The following CACNA1G variants were observed in gnomAD, a reference collection of about 807,000 sequenced individuals.
The protein encoded by CACNA1G is voltage-dependent T-type calcium channel subunit alpha-1G.
A neutral mutation model predicts 219.4 loss-of-function variants in CACNA1G; 67 were observed. The ratio of observed to expected loss-of-function variants is 0.31; its 90% CI spans 0.25 to 0.37. The LOEUF is 0.37. CACNA1G is among the 10% of genes least tolerant of loss of function. The probability of loss-of-function intolerance (pLI) is 1.00; values close to 1 mark genes in which losing one functional copy is unlikely to be tolerated. For synonymous variants in CACNA1G, 1,296 were observed against 1,345.3 expected, an observed-to-expected ratio of 0.96 and a Z score of 0.80; for missense variants, 2,380 against 3,231.4, an observed-to-expected ratio of 0.74 and a Z score of 6.39.
intron 13 of CACNA1G, among the ~76,000 whole-genome samples, chr17:50,594,117 C>A (rs1298462191): frequency 6.6e-6 from 1 of 152,214 alleles, no homozygotes; most frequent in Non-Finnish European, 1.5e-5. Flanking sequence ...AGGGTAGCCC[C>A]CCTGCTGGCC....
rs1345331353 is a variant in CACNA1G, at chr17:50,575,890, C to T, written c.1488C>T (p.His496=). The change falls in exon 8 of 38, where the codon CAC becomes CAT. Residue 496 remains histidine (H), a synonymous_variant. Coordinates refer to ENST00000359106, the MANE Select transcript of CACNA1G (RefSeq NM_018896.5). The part of the protein sequence containing the change: ...HRRLSVHHLV[H]HHHHHHHHYH... ...GCCTATCCGTCCACCACCTGGTGCACCACCACCACCACCATCACCACCACT... is the reference window on the plus strand; with the variant it reads ...GCCTATCCGTCCACCACCTGGTGCATCACCACCACCACCATCACCACCACT... The T allele has an allele frequency of 1.3e-6, 2 of 1,548,352 alleles. No individual in the cohort carries two copies. Among genetic ancestry groups the T allele is most frequent in the Admixed American group, 3.9e-5 (2 of 51,668 alleles).
At chr17:50,579,922 C>T (rs1208506788) in intron 9 of CACNA1G, among the ~76,000 whole-genome samples, 1 of 152,116 alleles carries the variant, frequency 6.6e-6, no homozygotes, top group Non-Finnish European at 1.5e-5. Context: ...GTGAGGTGTT[C>T]ACTTTTCCGG....
chr17:50,589,625 G>T (rs548562312), intron 9 of CACNA1G, among the ~76,000 whole-genome samples: 2 of 152,108 alleles, frequency 1.3e-5, no homozygotes, highest in African/African-American at 4.8e-5. Flanking sequence ...GTCCTTCTGA[G>T]GACTCTAGGG....
intron 27 of CACNA1G, 58 bp downstream of exon 27, chr17:50,615,570 G>A: frequency 6.3e-7 from 1 of 1,579,584 alleles, no homozygotes. Flanking sequence ...GAACCTCTGG[G>A]CAAGGTTAAC....
intron 25 of CACNA1G, among the ~76,000 whole-genome samples, chr17:50,608,440 C>T (rs1341135412): frequency 6.6e-6 from 1 of 151,930 alleles, no homozygotes; most frequent in Non-Finnish European, 1.5e-5. Context: ...CGAGCAAAGC[C>T]TCAGCAGATC....
In CACNA1G at chr17:50,624,034, C is replaced by G. The variant is rs758365116; in HGVS notation, c.6188C>G (p.Pro2063Arg). The change falls in exon 36 of 38, where the codon CCC becomes CGC. Residue 2063 changes from proline (P) to arginine (R), a missense_variant. Pro to Arg is a moderately radical substitution (Grantham distance 103). Coordinates refer to ENST00000359106, the MANE Select transcript of CACNA1G (RefSeq NM_018896.5). ...CGGCATGGGAGCACTGCCGAGGGGCCCCTGGGACACAGGGGCTGGGGGCTC... is the reference window on the plus strand; with the variant it reads ...CGGCATGGGAGCACTGCCGAGGGGCGCCTGGGACACAGGGGCTGGGGGCTC... Reference protein sequence around the residue: ...MCRHGSTAEGPLGHRGWGLPK... With the variant: ...MCRHGSTAEGRLGHRGWGLPK... 7 of 1,612,874 alleles carry G rather than the reference C, an allele frequency of 4.3e-6. No individual in the cohort carries two copies. The highest frequency in any genetic ancestry group is 5.9e-6 in the Non-Finnish European group (7 of 1,179,770).
chr17:50,565,770 G>GC (rs1172717136), intron 1 of CACNA1G, among the ~76,000 whole-genome samples: 4 of 152,104 alleles, frequency 2.6e-5, no homozygotes, highest in African/African-American at 9.7e-5. Flanking sequence ...TCTAGATAAA[G>GC]CCCCACACAG....
At position 50,626,115 on chromosome 17, in the gene CACNA1G, C is replaced by T. The variant is rs1478839123; in HGVS notation, c.6498C>T (p.Ala2166=). ...GGCCCTCCCCGCCCCTGGCCCGGGCCTACTCTTTCTGGGGCCAGTCAAGTA... is the reference window on the plus strand; with the variant it reads ...GGCCCTCCCCGCCCCTGGCCCGGGCTTACTCTTTCTGGGGCCAGTCAAGTA... The part of the protein sequence containing the change: ...VSGPSPPLAR[A]YSFWGQSSTQ... The change falls in exon 38 of 38, where the codon GCC becomes GCT. Residue 2166 remains alanine, a synonymous_variant. Coordinates refer to ENST00000359106, the MANE Select transcript of CACNA1G (RefSeq NM_018896.5). The surrounding 1 kb of genome is among the most constrained non-coding windows in gnomAD (Gnocchi z 4.3). 6.2e-7 allele frequency: 1 copy of T among 1,613,722 alleles called. No individual in the cohort carries two copies. Among genetic ancestry groups the T allele is most frequent in the Admixed American group, 1.7e-5 (1 of 60,006 alleles).
chr17:50,607,130 C>T, intron 24 of CACNA1G, 141 bp downstream of exon 24: 1 of 721,944 alleles, frequency 1.4e-6, no homozygotes, highest in Non-Finnish European at 2.5e-6. Context: ...TTGCTGGTAG[C>T]CTGTGGGCCA....
At chr17:50,611,889 C>T (rs746613953) in intron 26 of CACNA1G, among the ~76,000 whole-genome samples, 4 of 152,192 alleles carry the variant, frequency 2.6e-5, no homozygotes, top group Non-Finnish European at 4.4e-5. Flanking sequence ...ACTCCCATTC[C>T]GGGTACCTTC....
intron 8 of CACNA1G, among the ~76,000 whole-genome samples, chr17:50,577,890 T>C (rs1460646996): frequency 6.6e-6 from 1 of 152,062 alleles, no homozygotes; most frequent in Non-Finnish European, 1.5e-5. Flanking sequence ...CGAGGCTCCT[T>C]GCTGAAGGCA....
In CACNA1G at chr17:50,606,918, G is replaced by A. The variant is rs772369809; in HGVS notation, c.4441G>A (p.Val1481Ile). 14 of 1,613,664 alleles carry A rather than the reference G, an allele frequency of 8.7e-6. No individual in the cohort carries two copies. The highest frequency in any genetic ancestry group is 1.1e-5 in the Non-Finnish European group (13 of 1,179,724). Residue 1481 changes from valine (V) to isoleucine (I), a missense_variant, in exon 24 of 38, where the codon GTT becomes ATT. Transcript: ENST00000359106. ...NLGQALMSLF[V>I]LASKDGWVDI... ...CCATCAGGCCCTGATGTCCCTGTTCGTTTTGGCCTCCAAGGATGGTTGGGT... is the reference window on the plus strand; with the variant it reads ...CCATCAGGCCCTGATGTCCCTGTTCATTTTGGCCTCCAAGGATGGTTGGGT...
chr17:50,579,297 G>A (rs546307695), intron 9 of CACNA1G, among the ~76,000 whole-genome samples: 2 of 152,294 alleles, frequency 1.3e-5, no homozygotes, highest in East Asian at 3.9e-4. Flanking sequence ...AAGCAGGCTT[G>A]TTTTGTGGGG....
rs377563138 is a variant in CACNA1G at position 50,607,839 on chromosome 17, C to T, written c.4525C>T (p.His1509Tyr). ...VGVDQQPIMNHNPWMLLYFIS... is the reference protein window; with the variant it reads ...VGVDQQPIMNYNPWMLLYFIS... Reference sequence around the variant, plus strand: ...TGCTCCCCGCCAGCCCATCATGAACCACAACCCCTGGATGCTGCTGTACTT... The same window carrying T: ...TGCTCCCCGCCAGCCCATCATGAACTACAACCCCTGGATGCTGCTGTACTT... Residue 1509 changes from histidine to tyrosine, a missense_variant, in exon 25 of 38, where the codon CAC (histidine) becomes TAC (tyrosine). By Grantham distance (83) the His-to-Tyr change is moderately conservative (BLOSUM62 2). Transcript: ENST00000359106. The T allele has an allele frequency of 6.2e-7, 1 of 1,613,642 alleles. No homozygotes were observed. The highest frequency in any genetic ancestry group is 8.5e-7 in the Non-Finnish European group (1 of 1,179,860).
Position 50,603,318 on chromosome 17 carries a change from G to C in CACNA1G, c.4169+119G>C. 3.5e-6 allele frequency: 3 copies of C among 861,250 alleles called. No individual in the cohort carries two copies. The South Asian group carries it at 5.1e-5, about 15-fold the overall frequency. 53.4% of individuals were successfully genotyped at this position (861,250 alleles called of 1,614,324 possible). On this transcript the variant is annotated intron_variant, in intron 21 of 37. Transcript: ENST00000359106. This position sits in a 1 kb window ranked among gnomAD's most constrained non-coding sequence, Gnocchi z 6.4. ...GCCTGCACAGGCCAGCATCCTGTCT[G>C]TGACCCCCACAGGCGATCCTGTCCC...
chr17:50,579,072 G>T (rs117355256), intron 9 of CACNA1G, among the ~76,000 whole-genome samples: 6,959 of 152,216 alleles, frequency 0.046, 230 homozygotes, highest in Middle Eastern at 0.068. Flanking sequence ...GGGTCAGGGA[G>T]GGAGGCAATC....
intron 7 of CACNA1G, among the ~76,000 whole-genome samples, chr17:50,575,133 T>C (rs2040368284): frequency 6.6e-6 from 1 of 152,226 alleles, no homozygotes; most frequent in South Asian, 2.1e-4. Context: ...TAATATTGCG[T>C]TCATTTCCAC....
In CACNA1G at chr17:50,626,620, G is replaced by A. The variant is rs1229385133; in HGVS notation, c.7003G>A (p.Ala2335Thr). 6.2e-7 allele frequency: 1 copy of A among 1,612,736 alleles called. No homozygotes were observed. The highest frequency in any genetic ancestry group is 8.5e-7 in the Non-Finnish European group (1 of 1,179,742). The change falls in exon 38 of 38, where the codon GCT becomes ACT. Residue 2335 changes from alanine to threonine, a missense_variant. Ala to Thr is a moderately conservative substitution (Grantham distance 58). Coordinates refer to ENST00000359106, the MANE Select transcript of CACNA1G (RefSeq NM_018896.5). This position sits in a 1 kb window ranked among gnomAD's most constrained non-coding sequence, Gnocchi z 4.3. ...CCCTGGTATCTGCCTCCGGAGGAGG[G>A]CTCCGTCCAGCGACTCCAAGGATCC... The part of the protein sequence containing the change: ...PSPGICLRRR[A>T]PSSDSKDPLA...
chr17:50,595,607 C>G (rs2045382582), intron 14 of CACNA1G, among the ~76,000 whole-genome samples: 2 of 152,286 alleles, frequency 1.3e-5, no homozygotes, highest in African/African-American at 4.8e-5. Context: ...ACCTCTGAGC[C>G]TTTGGCCCCT....
Sources: allele counts gnomAD v4.1 joint callset (sites outside exome capture counted in the v4.1 genomes callset), GRCh38; gene constraint gnomAD v4.1.1; non-coding constraint Gnocchi (gnomAD v3.1); transcripts MANE v1.5; gene names NCBI Gene and HGNC (gene_info 2026-07-23, HGNC 2026-07-21).